MAP2: variants seen among roughly 807,000 people sequenced by gnomAD.
MAP2 encodes the protein microtubule associated protein 2, also known as microtubule-associated protein 2.
Under a neutral mutation model 137.6 loss-of-function variants are expected in MAP2, and 14 were observed. That is an observed-to-expected ratio of 0.10 (90% CI 0.07 to 0.16). The LOEUF (loss-of-function observed/expected upper bound fraction) is 0.16, where lower values mean the gene tolerates loss of function less well. Among genes scored for constraint, MAP2 ranks in the 10% least tolerant of loss-of-function variants. The pLI is 1.00. For synonymous variants in MAP2, 786 were observed against 782.3 expected, an observed-to-expected ratio of 1.00 and a Z score of -0.08; for missense variants, 2,088 against 2,191.5, an observed-to-expected ratio of 0.95 and a Z score of 0.94.
rs561739750 is a variant in MAP2, at chr2:209,442,982, G to A, written c.-222+18706G>A. ...CCTCCAAACTTTTCCCATTAAATTC[G>A]CTATTTATATGAGCCAGAGTGATTG... On this transcript the variant is annotated intron_variant, in intron 1 of 15. Transcript: ENST00000682079. Among the ~76,000 whole-genome samples, 7 of 151,366 alleles carry A rather than the reference G, an allele frequency of 4.6e-5. No homozygotes were observed. In the South Asian group the frequency reaches 1.5e-3, roughly 31 times the overall value.
chr2:209,680,772 G>T lies in MAP2; in HGVS notation c.399G>T (p.Leu133=), dbSNP rs540209557. ...LPLAAEETAN[L]PPSPPPSPAS... is the part of the protein sequence containing the mutation. ...TAGCAGCTGAAGAAACAGCTAATCT[G>T]CCTCCTTCTCCACCCCCATCACCTG... Residue 133 remains leucine, a synonymous_variant, in exon 7 of 16, where the codon CTG becomes CTT. Coordinates refer to ENST00000682079, the MANE Select transcript of MAP2 (RefSeq NM_001375505.1). The T allele has an allele frequency of 3.8e-5, 61 of 1,613,538 alleles. No individual in the cohort carries two copies. The South Asian group carries it at 4.3e-4, about 11-fold the overall frequency.
chr2:209,558,890 T>G (rs74508790), intron 2 of MAP2, among the ~76,000 whole-genome samples: 2,983 of 152,134 alleles, frequency 0.02, 94 homozygotes, highest in African/African-American at 0.068. Flanking sequence ...ATATATTTTT[T>G]GGGGAAATAA....
chr2:209,728,588 G>C (rs2074957418), intron 14 of MAP2, among the ~76,000 whole-genome samples: 1 of 152,202 alleles, frequency 6.6e-6, no homozygotes, highest in South Asian at 2.1e-4. Flanking sequence ...TAGATGTCTA[G>C]ATATTGCATG....
intron 10 of MAP2, among the ~76,000 whole-genome samples, chr2:209,700,075 T>A (rs76647413): frequency 0.016 from 2,499 of 152,320 alleles, 66 homozygotes; most frequent in African/African-American, 0.057. Flanking sequence ...TTATATTAAT[T>A]AGCACACACT....
chr2:209,478,113 G>T (rs1183079019), intron 1 of MAP2, among the ~76,000 whole-genome samples: 2 of 152,182 alleles, frequency 1.3e-5, no homozygotes, highest in Non-Finnish European at 2.9e-5. Flanking sequence ...GGATCAGTTA[G>T]GTGTGGGGAA....
chr2:209,572,013 G>C (rs2074477691), intron 2 of MAP2, among the ~76,000 whole-genome samples: 1 of 151,534 alleles, frequency 6.6e-6, no homozygotes, highest in South Asian at 2.1e-4. Context: ...ATATCTCGGA[G>C]GTTCAAGATG....
intron 13 of MAP2, among the ~76,000 whole-genome samples, chr2:209,718,940 T>C (rs559254157): frequency 1.3e-5 from 2 of 152,316 alleles, no homozygotes; most frequent in South Asian, 4.1e-4. Context: ...ATATCTGATG[T>C]AGTCATAGTT....
intron 2 of MAP2, among the ~76,000 whole-genome samples, chr2:209,573,481 AC>A (rs2074784616): frequency 6.6e-6 from 1 of 151,498 alleles, no homozygotes; most frequent in Admixed American, 6.6e-5. Context: ...TTTAGTAGAG[AC>A]AGGGTTTCCC....
At chr2:209,477,254 G>A (rs1357297136) in intron 1 of MAP2, among the ~76,000 whole-genome samples, 2 of 152,098 alleles carry the variant, frequency 1.3e-5, no homozygotes, top group Admixed American at 6.5e-5. Context: ...GGGAAGCTGA[G>A]TGAAGGGTAT....
intron 2 of MAP2, among the ~76,000 whole-genome samples, chr2:209,536,900 C>T (rs929794164): frequency 2.6e-5 from 4 of 152,120 alleles, no homozygotes; most frequent in Non-Finnish European, 4.4e-5. Context: ...TGGGTTGCAT[C>T]GAACCAGTGT....
intron 1 of MAP2, among the ~76,000 whole-genome samples, chr2:209,458,293 T>C (rs997825602): frequency 1.3e-5 from 2 of 152,128 alleles, no homozygotes; most frequent in African/African-American, 4.8e-5. Context: ...GGAGGGAAAT[T>C]ACCTCCTCCC....
At chr2:209,561,047 TG>T (rs2071936690) in intron 2 of MAP2, among the ~76,000 whole-genome samples, 1 of 152,160 alleles carries the variant, frequency 6.6e-6, no homozygotes, top group African/African-American at 2.4e-5. Context: ...TCATCTGGAC[TG>T]TTACTTCTGA....
At position 209,433,387 on chromosome 2, in the gene MAP2, A is replaced by G. The variant is rs185698297; in HGVS notation, c.-222+9111A>G. The stretch of plus-strand genomic sequence containing the variant: ...CTCAAAGCAGGAAGAAGCTTGGTAT[A>G]TTTGGAAAACAGAAAGACCAATGGT... On this transcript the variant is annotated intron_variant, in intron 1 of 15. Transcript: ENST00000682079. Among the ~76,000 whole-genome samples, 5 of 152,208 alleles carry G rather than the reference A, an allele frequency of 3.3e-5. No individual in the cohort carries two copies. The East Asian group carries it at 7.7e-4, about 24-fold the overall frequency.
intron 3 of MAP2, among the ~76,000 whole-genome samples, chr2:209,586,870 A>G (rs1413426266): frequency 6.6e-6 from 1 of 152,198 alleles, no homozygotes; most frequent in Non-Finnish European, 1.5e-5. Flanking sequence ...TTGGTGAGCA[A>G]GTCTGAAGTG....
At position 209,694,713 on chromosome 2, in the gene MAP2, C is replaced by T. The variant is rs2059755590; in HGVS notation, c.2543C>T (p.Pro848Leu). 1 of 1,613,948 alleles carries T rather than the reference C, an allele frequency of 6.2e-7. No individual in the cohort carries two copies. The part of the protein sequence containing the change: ...TVVEDSRTGL[P>L]PVTDENHVIV... ...GTTGAGGATAGTCGTACTGGCTTGC[C>T]CCCGGTAACTGATGAAAACCATGTC... Residue 848 changes from proline to leucine, a missense_variant, in exon 8 of 16, where the codon CCC (proline) becomes CTC (leucine). Physicochemically the swap from Pro to Leu is moderately conservative, Grantham distance 98 (BLOSUM62 -3). Coordinates refer to ENST00000682079, the MANE Select transcript of MAP2 (RefSeq NM_001375505.1).
intron 1 of MAP2, among the ~76,000 whole-genome samples, chr2:209,478,307 G>T (rs1325038838): frequency 6.6e-6 from 1 of 152,112 alleles, no homozygotes; most frequent in Admixed American, 6.6e-5. Context: ...TGTGCCTGAT[G>T]TCCTTATCTT....
At chr2:209,661,497 G>T in intron 5 of MAP2, 8 of 985,268 alleles carry the variant, frequency 8.1e-6, no homozygotes, top group Non-Finnish European at 9.6e-6. Flanking sequence ...GAGTTATTTA[G>T]CATTCAAGGG....
chr2:209,579,283 G>GTGTC (rs1020489165), intron 2 of MAP2: 2 of 4,498 alleles, frequency 4.4e-4, no homozygotes, highest in African/African-American at 8.7e-4. Flanking sequence ...GCGTGCGTGC[G>GTGTC]TGTGTGTGTG....
At chr2:209,641,679 C>G (rs1377019120) in intron 4 of MAP2, among the ~76,000 whole-genome samples, 1 of 150,022 alleles carries the variant, frequency 6.7e-6, no homozygotes, top group East Asian at 2.0e-4. Context: ...TTAAATATCA[C>G]TGGTAGGGGT....
Sources: allele counts gnomAD v4.1 joint callset (sites outside exome capture counted in the v4.1 genomes callset), GRCh38; gene constraint gnomAD v4.1.1; transcripts MANE v1.5; gene names NCBI Gene and HGNC (gene_info 2026-07-23, HGNC 2026-07-21).